The following ENKUR variants were observed in gnomAD, a reference collection of about 807,000 sequenced individuals.
ENKUR encodes the protein enkurin.
In ENKUR, 19 loss-of-function variants were observed where a neutral mutation model predicts 27.6. The ratio of observed to expected loss-of-function variants is 0.69; its 90% CI spans 0.48 to 1.01. The LOEUF is 1.01. Ranked by LOEUF, ENKUR falls within the 50% of genes least tolerant of loss-of-function variation. The probability of loss-of-function intolerance (pLI) is 0.00; values close to 1 mark genes in which losing one functional copy is unlikely to be tolerated. For missense variants in ENKUR, 312 were observed against 310.5 expected, an observed-to-expected ratio of 1.00 and a Z score of -0.04; for synonymous variants, 117 against 96.9, an observed-to-expected ratio of 1.21 and a Z score of -1.22.
intron 2 of ENKUR, among the ~76,000 whole-genome samples, chr10:25,034,896 A>G (rs1332223076): frequency 1.3e-5 from 2 of 152,220 alleles, no homozygotes; most frequent in Non-Finnish European, 2.9e-5. Context: ...GAGTATAACA[A>G]TATTTTACTG....
At chr10:25,005,083 AT>A (rs1850281376) in intron 1 of ENKUR, among the ~76,000 whole-genome samples, 1 of 151,974 alleles carries the variant, frequency 6.6e-6, no homozygotes, top group South Asian at 2.1e-4. Context: ...GGGCAGTCTT[AT>A]TTCTGGGTTC....
chr10:25,032,728 T>C (rs1360365638), intron 2 of ENKUR, among the ~76,000 whole-genome samples: 1 of 152,160 alleles, frequency 6.6e-6, no homozygotes, highest in African/African-American at 2.4e-5. Flanking sequence ...TAGTAATTTA[T>C]GTGTTTTCTG....
At chr10:24,995,540 ATGTGT>A (rs1171373936) in intron 3 of ENKUR, 101 bp downstream of exon 3, 2 of 995,968 alleles carry the variant, frequency 2.0e-6, no homozygotes, top group African/African-American at 3.3e-5. Flanking sequence ...AAAGTAGACA[ATGTGT>A]CCAATGAGAG....
intron 2 of ENKUR, chr10:25,026,275 T>A (rs1850850642): frequency 6.0e-6 from 1 of 166,838 alleles, no homozygotes; most frequent in Non-Finnish European, 1.5e-5. Flanking sequence ...TGTCCTTCAC[T>A]CTCCTTTGGA....
At chr10:25,023,822 G>C (rs750913667) in intron 2 of ENKUR, 17 of 1,614,086 alleles carry the variant, frequency 1.1e-5, no homozygotes, top group Non-Finnish European at 1.2e-5. Context: ...TATGATGCTC[G>C]TGTTTTCTGT....
intron 2 of ENKUR, chr10:25,023,801 A>T (rs1001769294): frequency 6.2e-7 from 1 of 1,614,102 alleles, no homozygotes; most frequent in Non-Finnish European, 8.5e-7. Context: ...AGACAGTATT[A>T]TAAGAAGTGG....
At chr10:25,025,257 T>C in intron 2 of ENKUR, 1 of 1,614,198 alleles carries the variant, frequency 6.2e-7, no homozygotes, top group Non-Finnish European at 8.5e-7. Context: ...TCATGCAGGC[T>C]TTAAAGATTA....
chr10:25,025,695 T>C (rs1171253940), intron 2 of ENKUR: 1 of 467,144 alleles, frequency 2.1e-6, no homozygotes, highest in African/African-American at 2.0e-5. Flanking sequence ...TACTTTTGCC[T>C]TCTGCTCATG....
At chr10:25,028,107 G>T (rs1850890123) in intron 2 of ENKUR, among the ~76,000 whole-genome samples, 1 of 152,272 alleles carries the variant, frequency 6.6e-6, no homozygotes, top group East Asian at 1.9e-4. Flanking sequence ...AGATTTTCTA[G>T]GTGAAAAGGA....
intron 2 of ENKUR, chr10:25,023,110 C>G: frequency 5.0e-6 from 5 of 992,832 alleles, no homozygotes; most frequent in Non-Finnish European, 7.3e-6. Context: ...GGGATTTTAA[C>G]AATCTACTGT....
chr10:25,061,614 T>C (rs1207554271), intron 1 of ENKUR, among the ~76,000 whole-genome samples: 1 of 152,202 alleles, frequency 6.6e-6, no homozygotes, highest in East Asian at 1.9e-4. Context: ...AAACCCAGTC[T>C]CAAACAAAAT....
chr10:24,989,689 TG>T (rs1228820188), intron 4 of ENKUR, among the ~76,000 whole-genome samples: 2 of 152,236 alleles, frequency 1.3e-5, no homozygotes, highest in African/African-American at 4.8e-5. Context: ...GTTCAGAAGT[TG>T]TAACAGCATA....
intron 2 of ENKUR, among the ~76,000 whole-genome samples, chr10:25,031,361 G>T (rs1357465622): frequency 6.6e-6 from 1 of 152,140 alleles, no homozygotes; most frequent in Non-Finnish European, 1.5e-5. Flanking sequence ...ACTTGGCGCG[G>T]ATTACCTCAT....
chr10:25,054,038 A>G (rs1851217411), intron 2 of ENKUR, among the ~76,000 whole-genome samples: 1 of 152,184 alleles, frequency 6.6e-6, no homozygotes, highest in Non-Finnish European at 1.5e-5. Context: ...CAAGCCACAC[A>G]TATATTAATT....
At chr10:25,059,412 G>A (rs906526782) in intron 2 of ENKUR, among the ~76,000 whole-genome samples, 8 of 152,068 alleles carry the variant, frequency 5.3e-5, no homozygotes, top group African/African-American at 1.7e-4. Flanking sequence ...GATTACAGGC[G>A]TGAGCCACTG....
At chr10:25,006,383 A>C (rs930287706) in intron 1 of ENKUR, among the ~76,000 whole-genome samples, 2 of 152,116 alleles carry the variant, frequency 1.3e-5, no homozygotes, top group Non-Finnish European at 2.9e-5. Flanking sequence ...GCACACCGAG[A>C]ACATTTGTGC....
At chr10:25,050,561 C>A (rs1183872964) in intron 2 of ENKUR, among the ~76,000 whole-genome samples, 1 of 152,126 alleles carries the variant, frequency 6.6e-6, no homozygotes, top group African/African-American at 2.4e-5. Flanking sequence ...GATTCAATTA[C>A]CTCCCACTGG....
intron 2 of ENKUR, chr10:25,024,649 C>T (rs1160428503): frequency 6.2e-7 from 1 of 1,614,232 alleles, no homozygotes; most frequent in East Asian, 2.2e-5. Flanking sequence ...CTGGGGCCGA[C>T]TACTTCCGCA....
chr10:25,048,506 G>A (rs112155262), intron 2 of ENKUR, among the ~76,000 whole-genome samples: 3,192 of 152,018 alleles, frequency 0.021, 48 homozygotes, highest in Admixed American at 0.033. Context: ...ATGGGTTAGC[G>A]CATCAAGGTC....
Sources: gnomAD v4.1 joint callset for allele counts (sites outside exome capture counted in the v4.1 genomes callset) on GRCh38, gnomAD v4.1.1 for gene constraint, MANE v1.5 for transcripts, NCBI Gene and HGNC (gene_info 2026-07-23, HGNC 2026-07-21) for gene names.